Variants in FBXL2 observed in about 807,000 individuals in gnomAD.
FBXL2 encodes the protein F-box and leucine rich repeat protein 2, also known as F-box/LRR-repeat protein 2.
FBXL2 carries 38 observed loss-of-function variants against 69.2 expected under a neutral mutation model. That is an observed-to-expected ratio of 0.55 (90% CI 0.42 to 0.72). The LOEUF (loss-of-function observed/expected upper bound fraction) is 0.72, where lower values mean the gene tolerates loss of function less well. Ranked by LOEUF, FBXL2 falls within the 30% of genes least tolerant of loss-of-function variation. The pLI is 0.00. For synonymous variants in FBXL2, 192 were observed against 201.3 expected, an observed-to-expected ratio of 0.95 and a Z score of 0.39; for missense variants, 354 against 520.3, an observed-to-expected ratio of 0.68 and a Z score of 3.11.
Position 33,318,097 on chromosome 3 carries a change from G to A in FBXL2, c.65+20372G>A, listed in dbSNP as rs533310453. ...CACGCTCTAAATTCATTCTTAGACT[G>A]TAGCCCCAGACGTCTTTTGTTTTGT... On this transcript the variant is annotated intron_variant, in intron 2 of 14. Coordinates refer to ENST00000484457, the MANE Select transcript of FBXL2 (RefSeq NM_012157.5). Among the ~76,000 whole-genome samples, 194 of 151,818 alleles carry A rather than the reference G, an allele frequency of 1.3e-3. 1 individual carries two copies. Among genetic ancestry groups the A allele is most frequent in the African/African-American group, 4.3e-3 (178 of 41,458 alleles).
At chr3:33,277,634 G>T in intron 1 of FBXL2, 119 bp downstream of exon 1, 1 of 1,072,360 alleles carries the variant, frequency 9.3e-7, no homozygotes, top group Non-Finnish European at 1.2e-6. Flanking sequence ...AGGCCGGGCC[G>T]CGGCCTGCGA....
chr3:33,375,922 T>C (rs1217608848), intron 10 of FBXL2, among the ~76,000 whole-genome samples: 2 of 152,184 alleles, frequency 1.3e-5, no homozygotes, highest in African/African-American at 2.4e-5. Context: ...TTTGGGATGC[T>C]GAGGTGGGTG....
intron 2 of FBXL2, among the ~76,000 whole-genome samples, chr3:33,331,633 G>A (rs991259564): frequency 6.6e-6 from 1 of 152,130 alleles, no homozygotes; most frequent in Non-Finnish European, 1.5e-5. Flanking sequence ...ACCTTTGGGA[G>A]AACTTGGCAG....
chr3:33,345,684 C>G (rs2040380054), intron 2 of FBXL2, among the ~76,000 whole-genome samples: 1 of 152,064 alleles, frequency 6.6e-6, no homozygotes, highest in African/African-American at 2.4e-5. Flanking sequence ...AAAAGAATAG[C>G]ATACAAAATG....
intron 1 of FBXL2, among the ~76,000 whole-genome samples, chr3:33,282,937 G>A (rs1262834267): frequency 7.9e-5 from 12 of 152,206 alleles, no homozygotes; most frequent in Admixed American, 5.2e-4. Context: ...TCAGCTTAAG[G>A]AGATTTTTGG....
chr3:33,280,985 A>G (rs999949149), intron 1 of FBXL2, among the ~76,000 whole-genome samples: 1 of 152,182 alleles, frequency 6.6e-6, no homozygotes, highest in Non-Finnish European at 1.5e-5. Flanking sequence ...ATTGGGAAGC[A>G]GAAGATGGAG....
chr3:33,378,260 C>A, intron 12 of FBXL2, 113 bp downstream of exon 12: 1 of 1,117,186 alleles, frequency 9.0e-7, no homozygotes, highest in Non-Finnish European at 1.3e-6. Context: ...CTTGATCAAC[C>A]TCAGTGGCAG....
At chr3:33,349,220 T>C (rs1213142386) in intron 2 of FBXL2, among the ~76,000 whole-genome samples, 2 of 152,218 alleles carry the variant, frequency 1.3e-5, no homozygotes. Flanking sequence ...CTGCATTCAG[T>C]ATGATACTAG....
intron 1 of FBXL2, among the ~76,000 whole-genome samples, chr3:33,295,273 A>G (rs1286648451): frequency 6.6e-6 from 1 of 152,214 alleles, no homozygotes; most frequent in African/African-American, 2.4e-5. Flanking sequence ...AGCCCTAGGC[A>G]ACTACTAGTC....
At chr3:33,317,329 A>G (rs997039870) in intron 2 of FBXL2, 3 of 381,788 alleles carry the variant, frequency 7.9e-6, no homozygotes, top group Non-Finnish European at 1.6e-5. Context: ...CAACCTCAAG[A>G]GAGAAAACCC....
intron 2 of FBXL2, among the ~76,000 whole-genome samples, chr3:33,332,680 G>C (rs140215826): frequency 4.6e-4 from 70 of 152,304 alleles, no homozygotes; most frequent in African/African-American, 1.7e-3. Context: ...GGCCTACTGT[G>C]CATGTAGGCT....
At chr3:33,327,640 C>T (rs139212986) in intron 2 of FBXL2, among the ~76,000 whole-genome samples, 5 of 151,774 alleles carry the variant, frequency 3.3e-5, no homozygotes, top group African/African-American at 1.2e-4. Context: ...AAACCAAAAC[C>T]ACTGAAATAC....
At chr3:33,277,735 A>T (rs1003270230) in intron 1 of FBXL2, among the ~76,000 whole-genome samples, 10 of 152,050 alleles carry the variant, frequency 6.6e-5, no homozygotes, top group African/African-American at 2.4e-4. Context: ...ACCGCGATGC[A>T]GCGTTCCCTG....
the FBXL2 span, among the ~76,000 whole-genome samples, chr3:33,418,093 T>TA: frequency 6.6e-6 from 1 of 152,196 alleles, no homozygotes; most frequent in Non-Finnish European, 1.5e-5. Flanking sequence ...ACAATGGATC[T>TA]ATATTCTGAA....
intron 10 of FBXL2, among the ~76,000 whole-genome samples, chr3:33,376,448 A>G (rs953891722): frequency 1.3e-5 from 2 of 152,208 alleles, no homozygotes; most frequent in African/African-American, 4.8e-5. Flanking sequence ...TATATCATTT[A>G]GATATTTCTG....
chr3:33,277,958 A>G (rs2033496315), intron 1 of FBXL2, among the ~76,000 whole-genome samples: 1 of 152,228 alleles, frequency 6.6e-6, no homozygotes, highest in African/African-American at 2.4e-5. Context: ...TAACTAATAT[A>G]AGACATATAT....
intron 2 of FBXL2, chr3:33,298,005 T>A (rs1395899450): frequency 2.3e-6 from 1 of 427,866 alleles, no homozygotes; most frequent in Admixed American, 3.7e-5. Context: ...TTGTTTTGTT[T>A]TCAGTAGATA....
intron 2 of FBXL2, among the ~76,000 whole-genome samples, chr3:33,314,449 A>G (rs1254582208): frequency 2.0e-5 from 3 of 152,170 alleles, no homozygotes; most frequent in Non-Finnish European, 4.4e-5. Context: ...GACTTATTTC[A>G]TAGTGTCCTA....
chr3:33,390,264 A>G (rs1434813454), downstream of FBXL2: 18 of 1,489,986 alleles, frequency 1.2e-5, no homozygotes, highest in Non-Finnish European at 1.7e-5. Context: ...GACTTCTTGG[A>G]TTCAGTCTTC....
Sources: allele counts gnomAD v4.1 joint callset (sites outside exome capture counted in the v4.1 genomes callset), GRCh38; gene constraint gnomAD v4.1.1; transcripts MANE v1.5; gene names NCBI Gene and HGNC (gene_info 2026-07-23, HGNC 2026-07-21).